The following SEMA4A variants were observed in gnomAD, a reference collection of about 807,000 sequenced individuals.
SEMA4A encodes the protein semaphorin 4A.
A neutral mutation model predicts 72.5 loss-of-function variants in SEMA4A; 52 were observed. That is an observed-to-expected ratio of 0.72 (90% CI 0.57 to 0.90). The LOEUF (loss-of-function observed/expected upper bound fraction) is 0.90, where lower values mean the gene tolerates loss of function less well. Among genes scored for constraint, SEMA4A ranks in the 40% least tolerant of loss-of-function variants. The pLI is 0.00. For missense variants in SEMA4A, 926 were observed against 959.7 expected (o/e 0.96, Z 0.46); for synonymous variants, 369 against 393.1 (o/e 0.94, Z 0.73).
chr1:156,171,807 C>T (rs953197832), intron 10 of SEMA4A, among the ~76,000 whole-genome samples: 4 of 149,770 alleles, frequency 2.7e-5, no homozygotes, highest in Admixed American at 1.3e-4. Context: ...TTTTTGAGAC[C>T]GAGTCTCACT....
At chr1:156,165,662 T>G (rs979742284) in intron 10 of SEMA4A, among the ~76,000 whole-genome samples, 5 of 152,040 alleles carry the variant, frequency 3.3e-5, no homozygotes, top group African/African-American at 9.7e-5. Context: ...ATCTTTTTTT[T>G]TTGTTTTTTT....
chr1:156,161,591 A>T, intron 9 of SEMA4A, 73 bp downstream of exon 9: 3 of 1,552,758 alleles, frequency 1.9e-6, no homozygotes, highest in Non-Finnish European at 1.8e-6. Context: ...TCGTGAGCGG[A>T]GGCAGGAATT....
chr1:156,159,031 C>CAAAAAA (rs34840198), intron 6 of SEMA4A: 3 of 286,312 alleles, frequency 1.0e-5, no homozygotes, highest in South Asian at 5.7e-5. Context: ...GAGATCGTCT[C>CAAAAAA]AAAAAAAAAA....
At chr1:156,167,279 A>T (rs548389760) in intron 10 of SEMA4A, among the ~76,000 whole-genome samples, 4 of 152,004 alleles carry the variant, frequency 2.6e-5, no homozygotes, top group Non-Finnish European at 5.9e-5. Flanking sequence ...GTTTGAGCCC[A>T]GGAGTTTGAG....
At chr1:156,159,053 C>T in intron 6 of SEMA4A, 1 of 537,088 alleles carries the variant, frequency 1.9e-6, no homozygotes. Context: ...AAAAAAGCCT[C>T]AGTGCCTCAT....
At chr1:156,158,612 C>T in intron 5 of SEMA4A, 107 bp from the exon 6 acceptor site, 1 of 1,303,582 alleles carries the variant, frequency 7.7e-7, no homozygotes, top group African/African-American at 1.5e-5. Context: ...ACTTCCTGGC[C>T]CCAGACCAAT....
intron 7 of SEMA4A, 115 bp downstream of exon 7, chr1:156,160,674 A>G (rs1572398367): frequency 9.5e-7 from 1 of 1,056,684 alleles, no homozygotes; most frequent in Non-Finnish European, 1.4e-6. Context: ...CGCAGGGGGT[A>G]TATGGCAGGG....
Position 156,172,901 on chromosome 1 carries a change from G to A in SEMA4A, c.1210G>A (p.Gly404Arg), listed in dbSNP as rs746603315. The part of the protein sequence containing the change: ...DHFLMDEQVV[G>R]TPLLVKSGVE... The stretch of plus-strand genomic sequence containing the variant: ...TTTCCTGATGGATGAGCAAGTGGTG[G>A]GGACGCCCCTGCTGGTGAAATCTGG... The change falls in exon 11 of 15, where the codon GGG (glycine) becomes AGG (arginine). Residue 404 changes from glycine (G) to arginine (R), a missense_variant. Transcript: ENST00000368285. 1.2e-5 allele frequency: 19 copies of A among 1,614,064 alleles called. No individual in the cohort carries two copies. In the Admixed American group the frequency reaches 3.2e-4, roughly 27 times the overall value.
chr1:156,172,078 C>T (rs1654844454), intron 10 of SEMA4A, among the ~76,000 whole-genome samples: 1 of 148,054 alleles, frequency 6.8e-6, no homozygotes, highest in Non-Finnish European at 1.5e-5. Context: ...GCCACTGTGC[C>T]CGGCTGTTTG....
At chr1:156,164,136 T>C (rs1187076483) in intron 10 of SEMA4A, among the ~76,000 whole-genome samples, 1 of 151,700 alleles carries the variant, frequency 6.6e-6, no homozygotes, top group African/African-American at 2.4e-5. Context: ...AGAGCTATTA[T>C]ATGTACATGA....
intron 10 of SEMA4A, among the ~76,000 whole-genome samples, chr1:156,164,291 T>C (rs565169442): frequency 6.6e-6 from 1 of 152,302 alleles, no homozygotes; most frequent in African/African-American, 2.4e-5. Context: ...AATTTCTAAA[T>C]AACATGATTT....
chr1:156,162,830 G>A, intron 9 of SEMA4A, 114 bp from the exon 10 acceptor site: 1 of 1,308,968 alleles, frequency 7.6e-7, no homozygotes, highest in South Asian at 1.2e-5. Flanking sequence ...GCTGGAGGCT[G>A]GCCCAGCTCT....
At chr1:156,162,859 G>A in intron 9 of SEMA4A, 85 bp from the exon 10 acceptor site, 2 of 1,567,722 alleles carry the variant, frequency 1.3e-6, no homozygotes, top group Non-Finnish European at 1.8e-6. Context: ...TTGCCTCCTG[G>A]GTTTTCTCAC....
chr1:156,161,071 CCAAT>C (rs1653575720), intron 8 of SEMA4A, 42 bp downstream of exon 8: 3 of 1,596,320 alleles, frequency 1.9e-6, no homozygotes, highest in Non-Finnish European at 1.7e-6. Context: ...TGGAGGAGAA[CCAAT>C]AGGGAGATGG....
At chr1:156,155,982 TG>T in intron 2 of SEMA4A, 1 of 260,736 alleles carries the variant, frequency 3.8e-6, no homozygotes, top group Non-Finnish European at 7.7e-6. Context: ...CAGGGGTGGT[TG>T]GGGGGATGGC....
chr1:156,168,770 G>A (rs115764163), intron 10 of SEMA4A, among the ~76,000 whole-genome samples: 2,371 of 152,230 alleles, frequency 0.016, 65 homozygotes, highest in African/African-American at 0.055. Flanking sequence ...AATCTTCAAT[G>A]TCAGTATCTT....
upstream of SEMA4A, chr1:156,153,367 C>A (rs1286324668): frequency 6.6e-6 from 1 of 152,144 alleles, no homozygotes; most frequent in Non-Finnish European, 1.5e-5. Flanking sequence ...GTTATACTGG[C>A]TGTGACATGA....
intron 6 of SEMA4A, among the ~76,000 whole-genome samples, chr1:156,159,389 C>T (rs951109138): frequency 6.6e-6 from 1 of 151,964 alleles, no homozygotes; most frequent in African/African-American, 2.4e-5. Flanking sequence ...AAGCCAGAAG[C>T]CTCAGAACAC....
In SEMA4A at chr1:156,163,006, T is replaced by C; in HGVS notation, c.1046T>C (p.Val349Ala). 1 of 1,614,074 alleles carries C rather than the reference T, an allele frequency of 6.2e-7. No homozygotes were observed. Among genetic ancestry groups the C allele is most frequent in the Non-Finnish European group, 8.5e-7 (1 of 1,180,008 alleles). Residue 349 changes from valine to alanine, a missense_variant, in exon 10 of 15, where the codon GTC (valine) becomes GCC (alanine). Val to Ala is a moderately conservative substitution (Grantham distance 64, BLOSUM62 0). Transcript: ENST00000368285. ...CAFSLLDIER[V>A]FKGKYKELNK... is the part of the protein sequence containing the mutation. ...TTCTCTCTCTTGGACATTGAACGTG[T>C]CTTTAAGGGGAAATACAAAGAGTTG...
Sources: gnomAD v4.1 joint callset for allele counts (sites outside exome capture counted in the v4.1 genomes callset) on GRCh38, gnomAD v4.1.1 for gene constraint, MANE v1.5 for transcripts, NCBI Gene and HGNC (gene_info 2026-07-23, HGNC 2026-07-21) for gene names.